The following GNAL variants were observed in gnomAD, a reference collection of about 807,000 sequenced individuals.
GNAL encodes G protein subunit alpha L, also known as guanine nucleotide-binding protein G(olf) subunit alpha.
In GNAL, 18 loss-of-function variants were observed where a neutral mutation model predicts 55.1. That is an observed-to-expected ratio of 0.33 (90% CI 0.23 to 0.48). The LOEUF (loss-of-function observed/expected upper bound fraction) is 0.48, where lower values mean the gene tolerates loss of function less well. GNAL is among the 20% of genes least tolerant of loss of function. The probability of loss-of-function intolerance (pLI) is 0.99; values close to 1 mark genes in which losing one functional copy is unlikely to be tolerated. For synonymous variants in GNAL, 253 were observed against 237.0 expected (o/e 1.07, Z -0.62); for missense variants, 412 against 614.1 (o/e 0.67, Z 3.48).
intron 1 of GNAL, among the ~76,000 whole-genome samples, chr18:11,703,135 AC>A (rs1390238256): frequency 1.1e-4 from 17 of 152,140 alleles, no homozygotes; most frequent in African/African-American, 4.1e-4. Flanking sequence ...AAACAAACAA[AC>A]AAAAAAACCA....
intron 4 of GNAL, among the ~76,000 whole-genome samples, chr18:11,822,374 G>A (rs1392981345): frequency 6.6e-6 from 1 of 152,236 alleles, no homozygotes; most frequent in African/African-American, 2.4e-5. Context: ...GGAGCCTGAG[G>A]GCAGAGGATC....
Position 11,884,360 on chromosome 18 carries a change from G to T in GNAL, c.*3225G>T. 7.7e-7 allele frequency: 1 copy of T among 1,291,462 alleles called. No individual in the cohort carries two copies. The highest frequency in any genetic ancestry group is 1.1e-6 in the Non-Finnish European group (1 of 912,858). The allele number at this position is 1,291,462 out of a possible 1,614,324, so 80.0% of individuals were successfully genotyped here. A position where few individuals can be genotyped will look rare whatever the true frequency, so the allele number is the denominator to read the frequency against. ...CTGTGCAGAGAGACGGCCTGTAATT[G>T]GTCTCATCATCCACTTGATTCTAAC... On this transcript the variant is annotated 3_prime_UTR_variant, in exon 12 of 12. Transcript: ENST00000334049.
chr18:11,869,601 T>A (rs1294098818), intron 9 of GNAL, among the ~76,000 whole-genome samples: 1 of 152,168 alleles, frequency 6.6e-6, no homozygotes, highest in East Asian at 1.9e-4. Context: ...AAAATAAATT[T>A]AAGATAGCAG....
At chr18:11,843,605 A>G (rs1041159950) in intron 5 of GNAL, among the ~76,000 whole-genome samples, 10 of 152,264 alleles carry the variant, frequency 6.6e-5, no homozygotes, top group African/African-American at 2.2e-4. Flanking sequence ...TTCTAGTAGG[A>G]CTCACCAAGT....
In GNAL at chr18:11,885,515, G is replaced by A; in HGVS notation, c.*4380G>A. 1.2e-6 allele frequency: 1 copy of A among 801,756 alleles called. No homozygotes were observed. The allele number at this position is 801,756 out of a possible 1,614,324, so 49.7% of individuals were successfully genotyped here. On this transcript the variant is annotated 3_prime_UTR_variant, in exon 12 of 12. Coordinates refer to ENST00000334049, the MANE Select transcript of GNAL (RefSeq NM_182978.4). ...TGTCATGCTGATTGGTTCCCGGAAGGGTGTTTGGCAAGGGGCAGTGTATGG... is the reference window on the plus strand; with the variant it reads ...TGTCATGCTGATTGGTTCCCGGAAGAGTGTTTGGCAAGGGGCAGTGTATGG...
intron 1 of GNAL, among the ~76,000 whole-genome samples, chr18:11,729,770 T>A (rs1175303743): frequency 6.6e-6 from 1 of 152,206 alleles, no homozygotes. Flanking sequence ...TCTGAGCCAA[T>A]GTGGCTGCTC....
chr18:11,854,084 C>T (rs141509274), intron 5 of GNAL: 8,899 of 167,112 alleles, frequency 0.053, 351 homozygotes, highest in Non-Finnish European at 0.068. Context: ...CTCAGCCTCC[C>T]AAAGTGCTGG....
At chr18:11,754,135 C>T (rs192533695) in intron 4 of GNAL, among the ~76,000 whole-genome samples, 190 bp downstream of exon 4, 1 of 152,240 alleles carries the variant, frequency 6.6e-6, no homozygotes, top group East Asian at 1.9e-4. Flanking sequence ...TTAACTACGG[C>T]CAGGGGCGGT....
intron 4 of GNAL, among the ~76,000 whole-genome samples, chr18:11,768,123 A>T (rs1236346937): frequency 6.6e-6 from 1 of 152,238 alleles, no homozygotes; most frequent in East Asian, 1.9e-4. Context: ...TCCACTAAAC[A>T]TGCCTTTACT....
At chr18:11,785,022 G>A (rs2034019012) in intron 4 of GNAL, among the ~76,000 whole-genome samples, 1 of 152,208 alleles carries the variant, frequency 6.6e-6, no homozygotes, top group Non-Finnish European at 1.5e-5. Context: ...GTTTCAGATA[G>A]TGTAACATTT....
chr18:11,726,745 T>G (rs2032220187), intron 1 of GNAL, among the ~76,000 whole-genome samples: 2 of 152,144 alleles, frequency 1.3e-5, no homozygotes, highest in African/African-American at 4.8e-5. Context: ...TACGTAACCA[T>G]GAGTCAAAGC....
In GNAL at chr18:11,730,720, C is replaced by T. The variant is rs772177835; in HGVS notation, c.377-22133C>T. The stretch of plus-strand genomic sequence containing the variant: ...TGGAGGTTACAGTGACCTGAGATCG[C>T]GTCACTGCACCCCAGCCTGGGTAAC... On this transcript the variant is annotated intron_variant, in intron 1 of 11. Coordinates refer to ENST00000334049, the MANE Select transcript of GNAL (RefSeq NM_182978.4). Among the ~76,000 whole-genome samples the T allele has an allele frequency of 3.9e-5, 6 of 152,012 alleles. No individual in the cohort carries two copies. The East Asian group carries it at 7.9e-4, about 20-fold the overall frequency.
At position 11,868,585 on chromosome 18, in the gene GNAL, A is replaced by C; in HGVS notation, c.953A>C (p.Asn318Thr). Residue 318 changes from asparagine to threonine, a missense_variant, in exon 9 of 12, where the codon AAC becomes ACC. Physicochemically the swap from Asn to Thr is moderately conservative, Grantham distance 65 (BLOSUM62 0). Around this residue, in one of 5 missense-constraint regions of GNAL, gnomAD observed 53 missense variants for 182.7 expected, o/e 0.29. Transcript: ENST00000334049. The surrounding 1 kb of genome is among the most constrained non-coding windows in gnomAD (Gnocchi z 4.0). ...TACGTCGCAGCCTGCAGTAGCTACAACATGGTGATTCGAGAAGATAACAAC... is the reference window on the plus strand; with the variant it reads ...TACGTCGCAGCCTGCAGTAGCTACACCATGGTGATTCGAGAAGATAACAAC... ...IIYVAACSSYNMVIREDNNTN... is the reference protein window; with the variant it reads ...IIYVAACSSYTMVIREDNNTN... 1 of 1,611,036 alleles carries C rather than the reference A, an allele frequency of 6.2e-7. No individual in the cohort carries two copies. The highest frequency in any genetic ancestry group is 8.5e-7 in the Non-Finnish European group (1 of 1,177,632).
chr18:11,868,086 T>C lies in GNAL; in HGVS notation c.911-457T>C, dbSNP rs1451021211. On this transcript the variant is annotated intron_variant, in intron 8 of 11. Transcript: ENST00000334049. The surrounding 1 kb of genome is among the most constrained non-coding windows in gnomAD (Gnocchi z 4.0). ...GTTGCAGTGAGCCAAGATTGCGCCA[T>C]TGCACTCCAGCCTGGGCAACAAGAG... 1.3e-5 allele frequency among the ~76,000 whole-genome samples: 2 copies of C among 151,910 alleles called. No homozygotes were observed. Among genetic ancestry groups the C allele is most frequent in the African/African-American group, 2.4e-5 (1 of 41,412 alleles).
chr18:11,815,417 A>G (rs12965697), intron 4 of GNAL, among the ~76,000 whole-genome samples: 92,387 of 152,042 alleles, frequency 0.61, 31,442 homozygotes, highest in Admixed American at 0.76. Context: ...GGGAGGCCTC[A>G]GGAAACTTAG....
intron 1 of GNAL, among the ~76,000 whole-genome samples, chr18:11,742,509 G>A (rs199640864): frequency 2.6e-4 from 39 of 152,312 alleles, no homozygotes; most frequent in African/African-American, 8.9e-4. Context: ...ATTCTTGTTC[G>A]GCATCCGCTA....
chr18:11,790,408 T>C (rs2034196400), intron 4 of GNAL, among the ~76,000 whole-genome samples: 1 of 152,190 alleles, frequency 6.6e-6, no homozygotes, highest in Non-Finnish European at 1.5e-5. Flanking sequence ...AATGTGTCCT[T>C]GGGGATGTGT....
intron 1 of GNAL, among the ~76,000 whole-genome samples, chr18:11,749,572 C>A (rs2032767682): frequency 6.6e-6 from 1 of 152,164 alleles, no homozygotes. Context: ...GGTACCGGTG[C>A]CGCAGGTACA....
At chr18:11,774,906 T>G (rs1304637718) in intron 4 of GNAL, among the ~76,000 whole-genome samples, 1 of 152,210 alleles carries the variant, frequency 6.6e-6, no homozygotes, top group African/African-American at 2.4e-5. Flanking sequence ...AAATAATCAG[T>G]CCATGAGTGC....
Sources: allele counts gnomAD v4.1 joint callset (sites outside exome capture counted in the v4.1 genomes callset), GRCh38; gene constraint gnomAD v4.1.1; regional missense constraint gnomAD v4.1.1; non-coding constraint Gnocchi (gnomAD v3.1); transcripts MANE v1.5; gene names NCBI Gene and HGNC (gene_info 2026-07-23, HGNC 2026-07-21).